The following ST8SIA4 variants were observed in gnomAD, a reference collection of about 807,000 sequenced individuals.
ST8SIA4 encodes CMP-N-acetylneuraminate-poly-alpha-2,8-sialyltransferase.
In ST8SIA4, 15 loss-of-function variants were observed where a neutral mutation model predicts 33.9. The observed-to-expected ratio is 0.44, with a 90% CI of 0.30 to 0.68. The LOEUF (loss-of-function observed/expected upper bound fraction) is 0.68, where lower values mean the gene tolerates loss of function less well. Among genes scored for constraint, ST8SIA4 ranks in the 30% least tolerant of loss-of-function variants. ST8SIA4 has a pLI of 0.10. For synonymous variants in ST8SIA4, 171 were observed against 151.2 expected, an observed-to-expected ratio of 1.13 and a Z score of -0.96; for missense variants, 321 against 428.0, an observed-to-expected ratio of 0.75 and a Z score of 2.21.
At position 100,856,443 on chromosome 5, in the gene ST8SIA4, T is replaced by C. The variant is rs767243877; in HGVS notation, c.504-47A>G. ...GGACAAATGAAAAAAAAAGAAATAT[T>C]CACTGGTAAAATGGTGTTCATGAAA... On this transcript the variant is annotated intron_variant, in intron 3 of 4. Coordinates refer to ENST00000231461, the MANE Select transcript of ST8SIA4 (RefSeq NM_005668.6). 1.7e-5 allele frequency: 26 copies of C among 1,524,758 alleles called. No individual in the cohort carries two copies. In the East Asian group the frequency reaches 6.0e-4, roughly 35 times the overall value. 94.5% of individuals were successfully genotyped at this position (1,524,758 alleles called of 1,614,324 possible). A position where few individuals can be genotyped will look rare whatever the true frequency, so the allele number is the denominator to read the frequency against.
At chr5:100,829,938 C>T (rs2561525) in intron 4 of ST8SIA4, among the ~76,000 whole-genome samples, 135,426 of 151,344 alleles carry the variant, frequency 0.89, 61,461 homozygotes, top group Middle Eastern at 0.98. Flanking sequence ...TACTACAACA[C>T]TTCTATCTAG....
rs916344329 is a variant in ST8SIA4 at position 100,856,410 on chromosome 5, A to G, written c.504-14T>C. ...GCTAGATTACACCTGAAGAGGAAAAAATTAATGGGACAAATGAAAAAAAAA... is the reference window on the plus strand; with the variant it reads ...GCTAGATTACACCTGAAGAGGAAAAGATTAATGGGACAAATGAAAAAAAAA... On this transcript the variant is annotated splice_polypyrimidine_tract_variant and intron_variant, in intron 3 of 4. Coordinates refer to ENST00000231461, the MANE Select transcript of ST8SIA4 (RefSeq NM_005668.6). 6.3e-6 allele frequency: 10 copies of G among 1,593,788 alleles called. No individual in the cohort carries two copies. In the East Asian group the frequency reaches 1.1e-4, roughly 18 times the overall value.
At chr5:100,854,141 A>G (rs1751761872) in intron 4 of ST8SIA4, among the ~76,000 whole-genome samples, 1 of 151,980 alleles carries the variant, frequency 6.6e-6, no homozygotes, top group South Asian at 2.1e-4. Flanking sequence ...TTTTTTTAAG[A>G]GTCAAATTGT....
At chr5:100,885,650 T>C in intron 3 of ST8SIA4, 1 of 944,598 alleles carries the variant, frequency 1.1e-6, no homozygotes, top group Non-Finnish European at 1.3e-6. Context: ...TAAAAATTGA[T>C]CATTAAAAAC....
Position 100,895,743 on chromosome 5 carries a change from A to G in ST8SIA4, c.156T>C (p.Ser52=). The part of the protein sequence containing the change: ...LSLSRSLVNS[S]DKIIRKAGSS... ...AGCCAGCCTTTCGAATGATTTTATC[A>G]GAGCTATTGACAAGTGACCGACTCA... is the stretch of plus-strand genomic sequence containing the variant. Residue 52 remains serine (S), a synonymous_variant, in exon 2 of 5, where the codon TCT becomes TCC. Transcript: ENST00000231461. The G allele has an allele frequency of 6.2e-7, 1 of 1,612,760 alleles. No individual in the cohort carries two copies. The highest frequency in any genetic ancestry group is 1.7e-5 in the Admixed American group (1 of 59,994).
chr5:100,901,823 A>ATG (rs1175224127), intron 1 of ST8SIA4, among the ~76,000 whole-genome samples: 2 of 152,184 alleles, frequency 1.3e-5, no homozygotes, highest in Non-Finnish European at 2.9e-5. Flanking sequence ...GTTTAAGAGC[A>ATG]TGTGTGTGTG....
chr5:100,844,453 T>G (rs1298149467), intron 4 of ST8SIA4, among the ~76,000 whole-genome samples: 1 of 151,848 alleles, frequency 6.6e-6, no homozygotes, highest in African/African-American at 2.4e-5. Context: ...CCCTGGCTAT[T>G]TGGGACACAC....
chr5:100,861,900 G>C (rs1019350836), intron 3 of ST8SIA4, among the ~76,000 whole-genome samples: 1 of 152,188 alleles, frequency 6.6e-6, no homozygotes, highest in African/African-American at 2.4e-5. Context: ...TATTTGGAAT[G>C]CCTCTCAAAA....
intron 4 of ST8SIA4, among the ~76,000 whole-genome samples, chr5:100,841,543 C>A (rs146087870): frequency 1.3e-5 from 2 of 151,834 alleles, no homozygotes; most frequent in Non-Finnish European, 2.9e-5. Flanking sequence ...AATTCTGTAG[C>A]GCAGTTATTG....
chr5:100,876,091 C>T (rs1386098116), intron 3 of ST8SIA4, among the ~76,000 whole-genome samples: 1 of 152,024 alleles, frequency 6.6e-6, no homozygotes, highest in Admixed American at 6.6e-5. Flanking sequence ...CTATACTCCT[C>T]TGTATTTAAT....
chr5:100,900,864 C>A (rs1484242229), intron 1 of ST8SIA4, among the ~76,000 whole-genome samples: 2 of 152,222 alleles, frequency 1.3e-5, no homozygotes, highest in African/African-American at 2.4e-5. Flanking sequence ...CTTTCCCCCT[C>A]GCCGCCGGCG....
intron 3 of ST8SIA4, among the ~76,000 whole-genome samples, chr5:100,861,875 T>TTAAATGAAACA (rs1233195790): frequency 1.1e-4 from 16 of 152,168 alleles, no homozygotes; most frequent in African/African-American, 3.4e-4. Context: ...ACTGGGAAAA[T>TTAAATGAAACA]TAAATGAAAC....
intron 4 of ST8SIA4, among the ~76,000 whole-genome samples, chr5:100,854,163 A>G (rs1056188494): frequency 6.6e-6 from 1 of 151,954 alleles, no homozygotes; most frequent in Admixed American, 6.6e-5. Flanking sequence ...ATTACCAGGG[A>G]TATTTGTAAC....
chr5:100,834,324 A>C lies in ST8SIA4; in HGVS notation c.797+21779T>G, dbSNP rs910996010. Among the ~76,000 whole-genome samples the C allele has an allele frequency of 3.9e-5, 6 of 152,202 alleles. No individual in the cohort carries two copies. The South Asian group carries it at 1.2e-3, about 31-fold the overall frequency. On this transcript the variant is annotated intron_variant, in intron 4 of 4. Transcript: ENST00000231461. Reference sequence around the variant, plus strand: ...ATTAGCATTTAGTAAAACTTTAAATATTAAGCACAGTTATCTCATAACTAT... The same window carrying C: ...ATTAGCATTTAGTAAAACTTTAAATCTTAAGCACAGTTATCTCATAACTAT...
intron 3 of ST8SIA4, among the ~76,000 whole-genome samples, chr5:100,883,954 T>TA (rs1456575996): frequency 3.9e-5 from 6 of 152,156 alleles, no homozygotes; most frequent in African/African-American, 9.7e-5. Context: ...GCTATTCTGC[T>TA]AAAAAATTAG....
At chr5:100,827,470 T>C (rs1279129774) in intron 4 of ST8SIA4, among the ~76,000 whole-genome samples, 1 of 152,200 alleles carries the variant, frequency 6.6e-6, no homozygotes. Flanking sequence ...GCATATTTAA[T>C]ATGGACCATC....
At chr5:100,814,289 T>G (rs145422697) in intron 4 of ST8SIA4, among the ~76,000 whole-genome samples, 1 of 152,042 alleles carries the variant, frequency 6.6e-6, no homozygotes, top group South Asian at 2.1e-4. Context: ...AGCATCTTAT[T>G]TGAAAATAAT....
At chr5:100,875,366 G>C (rs1157369991) in intron 3 of ST8SIA4, among the ~76,000 whole-genome samples, 1 of 152,110 alleles carries the variant, frequency 6.6e-6, no homozygotes, top group African/African-American at 2.4e-5. Context: ...TTTATTATGT[G>C]TGATATCTAA....
At chr5:100,880,564 T>C (rs1752396766) in intron 3 of ST8SIA4, among the ~76,000 whole-genome samples, 1 of 152,142 alleles carries the variant, frequency 6.6e-6, no homozygotes, top group African/African-American at 2.4e-5. Flanking sequence ...TATTAGTATT[T>C]TATAGAGTGT....
Sources: allele counts gnomAD v4.1 joint callset (sites outside exome capture counted in the v4.1 genomes callset), GRCh38; gene constraint gnomAD v4.1.1; transcripts MANE v1.5; gene names NCBI Gene and HGNC (gene_info 2026-07-23, HGNC 2026-07-21).